Variants in PCCA observed in about 807,000 individuals in gnomAD.
PCCA encodes the protein propionyl-CoA carboxylase subunit alpha, also known as propionyl-CoA carboxylase alpha chain, mitochondrial.
Under a neutral mutation model 101.3 loss-of-function variants are expected in PCCA, and 74 were observed. The ratio of observed to expected loss-of-function variants is 0.73; its 90% CI spans 0.61 to 0.89. The LOEUF is 0.89. Ranked by LOEUF, PCCA falls within the 40% of genes least tolerant of loss-of-function variation. The pLI is 0.00. For synonymous variants in PCCA, 294 were observed against 313.6 expected, an observed-to-expected ratio of 0.94 and a Z score of 0.66; for missense variants, 891 against 907.0, an observed-to-expected ratio of 0.98 and a Z score of 0.23.
At position 100,357,100 on chromosome 13, in the gene PCCA, C is replaced by T. The variant is rs148197083; in HGVS notation, c.1644-11372C>T. ...TGTTTCCCTTATGAGGCAATGAAAA[C>T]GTTTTAAAGTTGCTTGTGGGGATGG... is the stretch of plus-strand genomic sequence containing the variant. On this transcript the variant is annotated intron_variant, in intron 18 of 23. Transcript: ENST00000376285. Among the ~76,000 whole-genome samples, 40 of 152,228 alleles carry T rather than the reference C, an allele frequency of 2.6e-4. No individual in the cohort carries two copies. In the East Asian group the frequency reaches 7.2e-3, roughly 27 times the overall value.
At chr13:100,340,119 ATGATTGAT>A (rs748498827) in intron 17 of PCCA, 30 bp from the exon 18 acceptor site, 1 of 1,072,964 alleles carries the variant, frequency 9.3e-7, no homozygotes, top group East Asian at 2.4e-5. Context: ...GTTAAAATAA[ATGATTGAT>A]TGATTGATTG....
At chr13:100,247,946 A>T (rs655862) in intron 8 of PCCA, among the ~76,000 whole-genome samples, 15,989 of 152,166 alleles carry the variant, frequency 0.11, 924 homozygotes, top group Middle Eastern at 0.2. Flanking sequence ...TTCCTTGGCT[A>T]TCAAAACATA....
intron 18 of PCCA, among the ~76,000 whole-genome samples, chr13:100,341,823 A>T (rs545026725): frequency 1.8e-4 from 27 of 151,960 alleles, no homozygotes; most frequent in Non-Finnish European, 3.7e-4. Flanking sequence ...AATGTATGCA[A>T]GTTATTTTCA....
At chr13:100,361,215 G>A (rs2074545269) in intron 18 of PCCA, among the ~76,000 whole-genome samples, 1 of 152,076 alleles carries the variant, frequency 6.6e-6, no homozygotes, top group South Asian at 2.1e-4. Flanking sequence ...TGTAATTCTG[G>A]ACACATTTCA....
intron 8 of PCCA, among the ~76,000 whole-genome samples, chr13:100,246,889 A>G (rs889359797): frequency 2.0e-5 from 3 of 151,684 alleles, no homozygotes; most frequent in Non-Finnish European, 2.9e-5. Context: ...GGGATATTCA[A>G]AACTTCTAGT....
intron 21 of PCCA, among the ~76,000 whole-genome samples, chr13:100,468,232 G>C (rs1401323133): frequency 6.6e-6 from 1 of 152,190 alleles, no homozygotes; most frequent in African/African-American, 2.4e-5. Flanking sequence ...TTGCGTCCTA[G>C]AGTACAGGTA....
At position 100,156,086 on chromosome 13, in the gene PCCA, A is replaced by G. The variant is rs906986076; in HGVS notation, c.414+994A>G. Among the ~76,000 whole-genome samples, 25 of 151,748 alleles carry G rather than the reference A, an allele frequency of 1.6e-4. 1 individual carries two copies. Among genetic ancestry groups the G allele is most frequent in the Admixed American group, 6.6e-5 (1 of 15,238 alleles). ...AGCTTTTTTTTTGTTTTGTTTTTTG[A>G]GATGGAGTTTCGCTCTTGTTGCCCA... On this transcript the variant is annotated intron_variant, in intron 5 of 23. Coordinates refer to ENST00000376285, the MANE Select transcript of PCCA (RefSeq NM_000282.4).
chr13:100,388,857 A>G (rs991689595), intron 19 of PCCA, among the ~76,000 whole-genome samples: 1 of 152,206 alleles, frequency 6.6e-6, no homozygotes, highest in African/African-American at 2.4e-5. Context: ...TGACCCCTCA[A>G]AGTTGTTTAT....
intron 6 of PCCA, among the ~76,000 whole-genome samples, chr13:100,164,045 T>C (rs2054783485): frequency 1.3e-5 from 2 of 152,234 alleles, no homozygotes; most frequent in African/African-American, 4.8e-5. Flanking sequence ...ATAGTTGTCA[T>C]ATGTATTTCA....
rs1262932734 is a variant in PCCA, at chr13:100,348,775, TCTTTCTTTCTTTCTTC to T, written c.1643+8520_1643+8535del. On this transcript the variant is annotated intron_variant, in intron 18 of 23. Transcript: ENST00000376285. ...TTCTTTCTTTCTTTCTTTCTTTCTT[TCTTTCTTTCTTTCTTC>T]CTTCCTTCCTTCCTTCCTTCCTTCC... is the stretch of plus-strand genomic sequence containing the variant. Among the ~76,000 whole-genome samples, 418 of 90,036 alleles carry T rather than the reference TCTTTCTTTCTTTCTTC, an allele frequency of 4.6e-3. 1 individual carries two copies. The highest frequency in any genetic ancestry group is 0.019 in the South Asian group (51 of 2,718). 59.1% of individuals were successfully genotyped at this position (90,036 alleles called of 152,430 possible).
rs372392914 is a variant in PCCA at position 100,237,725 on chromosome 13, GTTA to G, written c.637+1860_637+1862del. ...CAACCTCATTGGATATAATAATACT[GTTA>G]TTATTATTATTACAGTATCTACATA... is the stretch of plus-strand genomic sequence containing the variant. On this transcript the variant is annotated intron_variant, in intron 8 of 23. Transcript: ENST00000376285. 4.4e-3 allele frequency among the ~76,000 whole-genome samples: 665 copies of G among 151,836 alleles called. 4 individuals are homozygous for G. The highest frequency in any genetic ancestry group is 0.01 in the Middle Eastern group (3 of 294).
At chr13:100,479,643 G>C (rs534019021) in intron 21 of PCCA, 1 of 152,182 alleles carries the variant, frequency 6.6e-6, no homozygotes, top group African/African-American at 2.4e-5. Flanking sequence ...CGTTGAGTTG[G>C]CTGAGGAGGA....
chr13:100,260,336 A>G (rs1262508136), intron 9 of PCCA, among the ~76,000 whole-genome samples: 1 of 151,358 alleles, frequency 6.6e-6, no homozygotes, highest in Non-Finnish European at 1.5e-5. Context: ...TTTGTCTTCT[A>G]GTCAGTTTTA....
Position 100,165,308 on chromosome 13 carries a change from C to T in PCCA, c.468+7968C>T, listed in dbSNP as rs528474754. 9.9e-5 allele frequency among the ~76,000 whole-genome samples: 15 copies of T among 152,248 alleles called. No individual in the cohort carries two copies. The South Asian group carries it at 2.3e-3, about 23-fold the overall frequency. On this transcript the variant is annotated intron_variant, in intron 6 of 23. Transcript: ENST00000376285. ...CCCATTGTTTTATTGTTTTTAATAA[C>T]CACCAAATCATGCCTTTCCTTAATG... is the stretch of plus-strand genomic sequence containing the variant.
chr13:100,512,501 T>C (rs1287603940), intron 21 of PCCA, among the ~76,000 whole-genome samples: 1 of 152,198 alleles, frequency 6.6e-6, no homozygotes, highest in Non-Finnish European at 1.5e-5. Context: ...CATTTGGCTG[T>C]GTGGTCTGGA....
chr13:100,129,694 T>C (rs1000910242), intron 4 of PCCA, among the ~76,000 whole-genome samples: 3 of 152,224 alleles, frequency 2.0e-5, no homozygotes, highest in African/African-American at 4.8e-5. Flanking sequence ...TCTGCCTCCC[T>C]AGGTCCACAG....
intron 21 of PCCA, chr13:100,491,307 T>C (rs929636373): frequency 5.9e-6 from 1 of 168,502 alleles, no homozygotes; most frequent in Middle Eastern, 2.7e-3. Flanking sequence ...GAAGTAGCAT[T>C]GCTGCGTATT....
chr13:100,486,087 T>C (rs2084353998), intron 21 of PCCA, among the ~76,000 whole-genome samples: 1 of 152,214 alleles, frequency 6.6e-6, no homozygotes, highest in South Asian at 2.1e-4. Context: ...CGTAGTGTCA[T>C]GAGCCATTCT....
intron 14 of PCCA, among the ~76,000 whole-genome samples, chr13:100,304,757 T>C (rs2066326401): frequency 1.3e-5 from 2 of 152,236 alleles, no homozygotes; most frequent in Admixed American, 1.3e-4. Flanking sequence ...TTATTAAAAC[T>C]AGAGCAGTCA....
Sources: gnomAD v4.1 joint callset for allele counts (sites outside exome capture counted in the v4.1 genomes callset) on GRCh38, gnomAD v4.1.1 for gene constraint, MANE v1.5 for transcripts, NCBI Gene and HGNC (gene_info 2026-07-23, HGNC 2026-07-21) for gene names.